Variants in ABCA13 observed in about 807,000 individuals in gnomAD.
ABCA13 encodes the protein ATP binding cassette subfamily A member 13.
A neutral mutation model predicts 478.7 loss-of-function variants in ABCA13; 476 were observed. That is an observed-to-expected ratio of 0.99 (90% CI 0.92 to 1.07). ABCA13 has a LOEUF of 1.07. ABCA13 is among the 50% of genes least tolerant of loss of function. The pLI is 0.00. For missense variants in ABCA13, 6,060 were observed against 5,910.6 expected (o/e 1.03, Z -0.83); for synonymous variants, 2,252 against 2,158.9 (o/e 1.04, Z -1.20).
intron 29 of ABCA13, among the ~76,000 whole-genome samples, chr7:48,341,058 T>C (rs1189983208): frequency 1.3e-5 from 2 of 152,238 alleles, no homozygotes; most frequent in Non-Finnish European, 2.9e-5. Flanking sequence ...TTGCTCCCAC[T>C]ATGGTAATAT....
intron 57 of ABCA13, among the ~76,000 whole-genome samples, chr7:48,593,897 T>C (rs1242976902): frequency 6.6e-6 from 1 of 152,134 alleles, no homozygotes; most frequent in Non-Finnish European, 1.5e-5. Flanking sequence ...TTCCCAGTCC[T>C]GAAGATTTCT....
Position 48,339,867 on chromosome 7 carries a change from G to A in ABCA13, c.10204+1412G>A, listed in dbSNP as rs143832087. On this transcript the variant is annotated intron_variant, in intron 29 of 61. Transcript: ENST00000435803. ...AGTGGGGTCAGGCATTCACGGGTGG[G>A]GTGGCGGTGGGGGATTGATCACTGA... 1.0e-3 allele frequency among the ~76,000 whole-genome samples: 155 copies of A among 152,208 alleles called. 2 individuals are homozygous for A. The highest frequency in any genetic ancestry group is 3.6e-3 in the African/African-American group (148 of 41,540).
At chr7:48,519,783 A>AT (rs1246159648) in intron 52 of ABCA13, among the ~76,000 whole-genome samples, 1 of 151,914 alleles carries the variant, frequency 6.6e-6, no homozygotes, top group Non-Finnish European at 1.5e-5. Context: ...GATCATTGTG[A>AT]TTTCCTTAAA....
intron 31 of ABCA13, among the ~76,000 whole-genome samples, chr7:48,359,410 G>A (rs975103518): frequency 6.6e-6 from 1 of 152,018 alleles, no homozygotes; most frequent in Non-Finnish European, 1.5e-5. Flanking sequence ...TCAGCTGGCT[G>A]TGTTGTGCGG....
Position 48,431,342 on chromosome 7 carries a change from A to AAACAACAACAACAACAACAAC in ABCA13, c.12565+3498_12565+3518dup, listed in dbSNP as rs56675430. Among the ~76,000 whole-genome samples, 2 of 147,926 alleles carry AAACAACAACAACAACAACAAC rather than the reference A, an allele frequency of 1.4e-5. 1 individual carries two copies. The highest frequency in any genetic ancestry group is 5.0e-5 in the African/African-American group (2 of 39,718). On this transcript the variant is annotated intron_variant, in intron 42 of 61. Transcript: ENST00000435803. The stretch of plus-strand genomic sequence containing the variant: ...GGGCAACAGAGGGAGATTCTGTCTC[A>AAACAACAACAACAACAACAAC]AACAACAACAACAACAACAACAACA...
At chr7:48,221,660 G>A (rs937346956) in intron 5 of ABCA13, among the ~76,000 whole-genome samples, 3 of 152,214 alleles carry the variant, frequency 2.0e-5, no homozygotes, top group Non-Finnish European at 4.4e-5. Context: ...CTCGAGGCAC[G>A]AAGCCCTCAG....
At chr7:48,287,400 A>G (rs1373080469) in intron 19 of ABCA13, among the ~76,000 whole-genome samples, 1 of 152,138 alleles carries the variant, frequency 6.6e-6, no homozygotes, top group East Asian at 1.9e-4. Flanking sequence ...GGCGTGATCT[A>G]TGGGTGCTGG....
intron 42 of ABCA13, among the ~76,000 whole-genome samples, chr7:48,432,929 T>G (rs561647246): frequency 6.6e-6 from 1 of 152,178 alleles, no homozygotes; most frequent in South Asian, 2.1e-4. Flanking sequence ...AATAACGTTT[T>G]GTATTGTTGA....
At chr7:48,287,311 G>A (rs1797903783) in intron 19 of ABCA13, among the ~76,000 whole-genome samples, 1 of 152,214 alleles carries the variant, frequency 6.6e-6, no homozygotes, top group African/African-American at 2.4e-5. Flanking sequence ...CTTTGGGGAA[G>A]AGCCTTGTGG....
At chr7:48,635,766 G>A (rs974684003) in intron 59 of ABCA13, among the ~76,000 whole-genome samples, 2 of 152,208 alleles carry the variant, frequency 1.3e-5, no homozygotes, top group Admixed American at 1.3e-4. Flanking sequence ...GAGCTGGGAG[G>A]TAGCAGAAGA....
intron 7 of ABCA13, 114 bp downstream of exon 7, chr7:48,230,069 T>C: frequency 3.2e-6 from 4 of 1,269,384 alleles, no homozygotes; most frequent in Non-Finnish European, 4.2e-6. Context: ...AAATTTCAAA[T>C]TCAAAAAAGT....
At chr7:48,562,108 G>T (rs1044928672) in intron 55 of ABCA13, among the ~76,000 whole-genome samples, 1 of 137,152 alleles carries the variant, frequency 7.3e-6, no homozygotes, top group Non-Finnish European at 1.5e-5. Context: ...TATGTATGGG[G>T]GGGGAGGTGG....
At chr7:48,550,954 A>G (rs886706802) in intron 55 of ABCA13, among the ~76,000 whole-genome samples, 4 of 151,682 alleles carry the variant, frequency 2.6e-5, no homozygotes, top group Non-Finnish European at 1.5e-5. Flanking sequence ...TTTTAGTCAT[A>G]TTTCTAAATA....
At chr7:48,320,489 A>G (rs1385515383) in intron 27 of ABCA13, among the ~76,000 whole-genome samples, 1 of 152,166 alleles carries the variant, frequency 6.6e-6, no homozygotes, top group African/African-American at 2.4e-5. Context: ...AGTATTTGCA[A>G]AGAAATTGAT....
intron 55 of ABCA13, among the ~76,000 whole-genome samples, chr7:48,569,079 A>G (rs986610653): frequency 3.9e-5 from 6 of 152,034 alleles, no homozygotes; most frequent in Non-Finnish European, 5.9e-5. Context: ...AGATTTGATT[A>G]TGATTATTTT....
At chr7:48,201,419 A>C (rs925133605) in intron 3 of ABCA13, among the ~76,000 whole-genome samples, 1 of 141,748 alleles carries the variant, frequency 7.1e-6, no homozygotes, top group African/African-American at 2.6e-5. Context: ...TTTTCTCCTC[A>C]GAAGCTGCCC....
intron 55 of ABCA13, among the ~76,000 whole-genome samples, chr7:48,539,762 G>T (rs12113920): frequency 0.14 from 21,246 of 152,088 alleles, 1,871 homozygotes; most frequent in African/African-American, 0.23. Context: ...TTAAATGAAG[G>T]TTCAATGCTA....
At chr7:48,384,813 A>G (rs1168602949) in intron 35 of ABCA13, among the ~76,000 whole-genome samples, 2 of 152,084 alleles carry the variant, frequency 1.3e-5, no homozygotes, top group East Asian at 3.9e-4. Context: ...AGGCCTGTGT[A>G]TGTGGGTATA....
At chr7:48,294,389 C>G (rs923959091) in intron 20 of ABCA13, among the ~76,000 whole-genome samples, 1 of 151,512 alleles carries the variant, frequency 6.6e-6, no homozygotes, top group Non-Finnish European at 1.5e-5. Context: ...CCAAGTTCAT[C>G]CCTGGTAACC....
Sources: allele counts gnomAD v4.1 joint callset (sites outside exome capture counted in the v4.1 genomes callset), GRCh38; gene constraint gnomAD v4.1.1; transcripts MANE v1.5; gene names NCBI Gene and HGNC (gene_info 2026-07-23, HGNC 2026-07-21).